The following NKAIN3 variants were observed in gnomAD, a reference collection of about 807,000 sequenced individuals.
The protein encoded by NKAIN3 is sodium/potassium-transporting ATPase subunit beta-1-interacting protein 3.
In NKAIN3, 25 loss-of-function variants were observed where a neutral mutation model predicts 30.2. The observed-to-expected ratio is 0.83, with a 90% confidence interval of 0.60 to 1.16. The LOEUF (loss-of-function observed/expected upper bound fraction) is 1.16. NKAIN3 is among the 50% of genes most tolerant of loss of function. NKAIN3 has a pLI of 0.00. For missense variants in NKAIN3, 225 were observed against 254.1 expected (o/e 0.89, Z 0.78); for synonymous variants, 91 against 89.6 (o/e 1.02, Z -0.09).
At chr8:62,598,298 T>C (rs781590611) in intron 3 of NKAIN3, among the ~76,000 whole-genome samples, 1 of 152,018 alleles carries the variant, frequency 6.6e-6, no homozygotes, top group Non-Finnish European at 1.5e-5. Context: ...GTCTTCTGTG[T>C]GTTCTGCCTT....
downstream of NKAIN3, among the ~76,000 whole-genome samples, chr8:62,988,303 A>G (rs1435424955): frequency 1.3e-5 from 2 of 152,182 alleles, no homozygotes; most frequent in Non-Finnish European, 2.9e-5. Context: ...TTGAAGCTCC[A>G]CTAGGCAGTG....
At chr8:62,562,199 T>C (rs1238454731) in intron 1 of NKAIN3, among the ~76,000 whole-genome samples, 6 of 152,124 alleles carry the variant, frequency 3.9e-5, no homozygotes, top group African/African-American at 7.2e-5. Flanking sequence ...AAGAGGCTAA[T>C]CAAACTTTCA....
At chr8:62,276,218 A>G (rs1812952778) in intron 1 of NKAIN3, among the ~76,000 whole-genome samples, 1 of 152,046 alleles carries the variant, frequency 6.6e-6, no homozygotes, top group Non-Finnish European at 1.5e-5. Context: ...GGCCTGTGTC[A>G]CCACACCCAG....
At chr8:62,876,402 T>C (rs529554158) in intron 4 of NKAIN3, among the ~76,000 whole-genome samples, 49 of 152,310 alleles carry the variant, frequency 3.2e-4, no homozygotes, top group African/African-American at 1.1e-3. Flanking sequence ...GAAGACAGTG[T>C]GGTGATTCCT....
At chr8:62,272,896 A>G (rs1439947869) in intron 1 of NKAIN3, among the ~76,000 whole-genome samples, 1 of 152,200 alleles carries the variant, frequency 6.6e-6, no homozygotes, top group African/African-American at 2.4e-5. Context: ...ATCTTCACAT[A>G]AACTGTTGTC....
chr8:62,541,249 G>A (rs1808830152), intron 1 of NKAIN3, among the ~76,000 whole-genome samples: 2 of 152,012 alleles, frequency 1.3e-5, no homozygotes, highest in Non-Finnish European at 2.9e-5. Context: ...CCTGGGAGGG[G>A]GGAGGATGCA....
chr8:62,820,359 G>A lies in NKAIN3; in HGVS notation c.471+73230G>A, dbSNP rs543136846. Among the ~76,000 whole-genome samples the A allele has an allele frequency of 2.6e-5, 4 of 152,268 alleles. No individual in the cohort carries two copies. The South Asian group carries it at 8.3e-4, about 32-fold the overall frequency. On this transcript the variant is annotated intron_variant, in intron 4 of 6. Transcript: ENST00000623646. Reference sequence around the variant, plus strand: ...CATGGCATTGAGAATGGAAGTAAATGCTTTGTCTGCAACTAATTCAGTTAA... The same window carrying A: ...CATGGCATTGAGAATGGAAGTAAATACTTTGTCTGCAACTAATTCAGTTAA...
intron 3 of NKAIN3, among the ~76,000 whole-genome samples, chr8:62,717,930 C>T (rs1814959349): frequency 6.6e-6 from 1 of 152,160 alleles, no homozygotes. Flanking sequence ...TAAAGACACA[C>T]TTGAGACTGG....
At chr8:62,604,976 A>T (rs552165435) in intron 3 of NKAIN3, among the ~76,000 whole-genome samples, 1 of 152,204 alleles carries the variant, frequency 6.6e-6, no homozygotes, top group Non-Finnish European at 1.5e-5. Flanking sequence ...TGGCAGGGCT[A>T]AAAAGCTCTA....
intron 1 of NKAIN3, among the ~76,000 whole-genome samples, chr8:62,323,372 G>A (rs758025855): frequency 2.6e-5 from 4 of 152,190 alleles, no homozygotes; most frequent in Non-Finnish European, 2.9e-5. Flanking sequence ...TTAACTATGT[G>A]TGTAGTCAAA....
intron 3 of NKAIN3, among the ~76,000 whole-genome samples, chr8:62,704,398 G>A (rs1814449056): frequency 6.6e-6 from 1 of 151,794 alleles, no homozygotes; most frequent in African/African-American, 2.4e-5. Context: ...CTTTTTTCTA[G>A]AGAAGGAGAG....
intron 4 of NKAIN3, among the ~76,000 whole-genome samples, chr8:62,787,235 A>C (rs1817548145): frequency 1.3e-5 from 2 of 152,302 alleles, no homozygotes; most frequent in South Asian, 4.1e-4. Context: ...GTATGTGTCA[A>C]GTAAACAAAT....
At chr8:62,790,581 C>G (rs60345992) in intron 4 of NKAIN3, among the ~76,000 whole-genome samples, 2,678 of 147,476 alleles carry the variant, frequency 0.018, 77 homozygotes, top group African/African-American at 0.062. Context: ...GTCTGTCTGT[C>G]TGTGTGTGTG....
intron 5 of NKAIN3, among the ~76,000 whole-genome samples, chr8:62,930,057 C>T (rs1043331771): frequency 1.4e-4 from 22 of 152,170 alleles, no homozygotes; most frequent in African/African-American, 4.1e-4. Context: ...TGCTAAAATA[C>T]GTGACATAAT....
chr8:62,326,730 T>C (rs1484501653), intron 1 of NKAIN3, among the ~76,000 whole-genome samples: 3 of 152,050 alleles, frequency 2.0e-5, no homozygotes, highest in Non-Finnish European at 2.9e-5. Context: ...TTCCACCTTT[T>C]GGCTATTGTG....
intron 3 of NKAIN3, among the ~76,000 whole-genome samples, chr8:62,702,129 G>A (rs1320181092): frequency 6.6e-6 from 1 of 152,146 alleles, no homozygotes; most frequent in African/African-American, 2.4e-5. Context: ...CACTTGACCT[G>A]CAACCAAAGG....
chr8:62,855,400 G>A, intron 4 of NKAIN3: 1 of 858,682 alleles, frequency 1.2e-6, no homozygotes, highest in Non-Finnish European at 2.0e-6. Context: ...TGCCCAGCAT[G>A]CCCTTGCTGA....
intron 3 of NKAIN3, among the ~76,000 whole-genome samples, chr8:62,704,199 G>C (rs949591407): frequency 1.3e-5 from 2 of 151,880 alleles, no homozygotes; most frequent in Non-Finnish European, 2.9e-5. Flanking sequence ...TTAAAATAAT[G>C]TATCTTCTAG....
At chr8:62,737,751 G>C (rs1244936991) in intron 3 of NKAIN3, among the ~76,000 whole-genome samples, 1 of 152,132 alleles carries the variant, frequency 6.6e-6, no homozygotes, top group African/African-American at 2.4e-5. Flanking sequence ...AGAACCAGTT[G>C]AGAAATCTAT....
Sources: gnomAD v4.1 joint callset for allele counts (sites outside exome capture counted in the v4.1 genomes callset) on GRCh38, gnomAD v4.1.1 for gene constraint, MANE v1.5 for transcripts, NCBI Gene and HGNC (gene_info 2026-07-23, HGNC 2026-07-21) for gene names.